The following SAXO1 variants were observed in gnomAD, a reference collection of about 807,000 sequenced individuals.
The protein encoded by SAXO1 is stabilizer of axonemal microtubules 1.
A neutral mutation model predicts 17.5 loss-of-function variants in SAXO1; 21 were observed. That is an observed-to-expected ratio of 1.20 (90% CI 0.85 to 1.72). SAXO1 has a LOEUF of 1.72. Ranked by LOEUF, SAXO1 falls within the 40% of genes most tolerant of loss-of-function variation. The pLI is 0.00. For missense variants in SAXO1, 843 were observed against 596.0 expected, an observed-to-expected ratio of 1.41 and a Z score of -4.32; for synonymous variants, 274 against 216.5, an observed-to-expected ratio of 1.27 and a Z score of -2.33.
Position 18,928,682 on chromosome 9 carries a change from G to T in SAXO1, c.795C>A (p.Asp265Glu). 1 of 1,614,174 alleles carries T rather than the reference G, an allele frequency of 6.2e-7. No individual in the cohort carries two copies. The highest frequency in any genetic ancestry group is 8.5e-7 in the Non-Finnish European group (1 of 1,180,042). ...LKPLARPPGL[D>E]MPFCNTTEFR... ...ACTCAGTGGTGTTACAGAAAGGCATGTCTAGCCCAGGAGGCCTGGCTAGAG... is the reference window on the plus strand; with the variant it reads ...ACTCAGTGGTGTTACAGAAAGGCATTTCTAGCCCAGGAGGCCTGGCTAGAG... Residue 265 changes from aspartate (D) to glutamate (E), a missense_variant, in exon 4 of 4, where the codon GAC becomes GAA. Physicochemically the swap from Asp to Glu is conservative, Grantham distance 45 (BLOSUM62 2). Coordinates refer to ENST00000380534, the MANE Select transcript of SAXO1 (RefSeq NM_153707.4).
At chr9:18,950,126 G>C (rs1253884650) in intron 2 of SAXO1, among the ~76,000 whole-genome samples, 1 of 152,154 alleles carries the variant, frequency 6.6e-6, no homozygotes, top group Non-Finnish European at 1.5e-5. Flanking sequence ...CCCCTCAGTA[G>C]AAACACCTCT....
chr9:18,956,324 T>A (rs1002124368), intron 1 of SAXO1, among the ~76,000 whole-genome samples: 1 of 152,128 alleles, frequency 6.6e-6, no homozygotes, highest in African/African-American at 2.4e-5. Flanking sequence ...CCATTTCCCC[T>A]GCAATCAACT....
intron 1 of SAXO1, among the ~76,000 whole-genome samples, chr9:18,953,301 C>A (rs544316492): frequency 1.9e-4 from 29 of 152,212 alleles, no homozygotes; most frequent in Non-Finnish European, 3.8e-4. Context: ...AAACTACTTT[C>A]ATATAACCCC....
In SAXO1 at chr9:19,027,345, C is replaced by T. The variant is rs543443334; in HGVS notation, c.38+5526G>A. The T allele has an allele frequency of 9.9e-5, 78 of 785,932 alleles. 1 individual carries two copies. The highest frequency in any genetic ancestry group is 1.5e-4 in the Non-Finnish European group (63 of 427,578). The allele number at this position is 785,932 out of a possible 1,614,324, so 48.7% of individuals were successfully genotyped here. On this transcript the variant is annotated intron_variant, in intron 1 of 3. Transcript: ENST00000380534. ...AATCCTGGAGACACTGCCCAGAGTA[C>T]GACTCGCGGGTGAAGGCCACAGAGG...
chr9:18,995,988 A>T (rs1833985138), intron 1 of SAXO1, among the ~76,000 whole-genome samples: 1 of 151,850 alleles, frequency 6.6e-6, no homozygotes, highest in Non-Finnish European at 1.5e-5. Flanking sequence ...CTGGGGCAGG[A>T]GAATCGCTTG....
intron 1 of SAXO1, among the ~76,000 whole-genome samples, chr9:18,958,916 A>G (rs1212565227): frequency 6.6e-6 from 1 of 152,240 alleles, no homozygotes; most frequent in Non-Finnish European, 1.5e-5. Flanking sequence ...ATTTGCGAAG[A>G]AGGAAAATAA....
At chr9:19,009,695 G>A (rs1241503961) in intron 1 of SAXO1, among the ~76,000 whole-genome samples, 1 of 152,022 alleles carries the variant, frequency 6.6e-6, no homozygotes, top group Non-Finnish European at 1.5e-5. Context: ...TAAAACAGCT[G>A]TGAGAAATCC....
chr9:18,992,725 G>A (rs564800187), intron 1 of SAXO1, among the ~76,000 whole-genome samples: 1 of 152,222 alleles, frequency 6.6e-6, no homozygotes, highest in Non-Finnish European at 1.5e-5. Context: ...AAGAATGAGG[G>A]AGATGACTAC....
upstream of SAXO1, among the ~76,000 whole-genome samples, chr9:19,037,222 C>A (rs1194695553): frequency 1.3e-5 from 2 of 152,140 alleles, no homozygotes; most frequent in Admixed American, 1.3e-4. Context: ...AGGGACTTGC[C>A]TTGTCTCAGA....
At chr9:19,005,957 C>A (rs1024178748) in intron 1 of SAXO1, among the ~76,000 whole-genome samples, 1 of 152,066 alleles carries the variant, frequency 6.6e-6, no homozygotes, top group African/African-American at 2.4e-5. Context: ...AACAAACAAA[C>A]AACCCACCTT....
At chr9:19,013,592 G>A (rs1295911738) in intron 1 of SAXO1, among the ~76,000 whole-genome samples, 1 of 140,252 alleles carries the variant, frequency 7.1e-6, no homozygotes, top group Non-Finnish European at 1.5e-5. Flanking sequence ...TGTCACCCAG[G>A]CTGGAATGCA....
chr9:18,956,963 CGCCCAGGTCTGCCTGATTTCAAA>C (rs1343615454), intron 1 of SAXO1, among the ~76,000 whole-genome samples: 1 of 152,222 alleles, frequency 6.6e-6, no homozygotes, highest in African/African-American at 2.4e-5. Flanking sequence ...CACAACTGGA[CGCCCAGGTCTGCCTGATTTCAAA>C]GCCTATGCTT....
In SAXO1 at chr9:18,990,014, G is replaced by T. The variant is rs186754353; in HGVS notation, c.39-39077C>A. On this transcript the variant is annotated intron_variant, in intron 1 of 3. Transcript: ENST00000380534. ...GAACCATAAAACTGCCTCTTGGCAG[G>T]TATTGCCACCTTTATTTTGCAAAGG... 1.1e-3 allele frequency among the ~76,000 whole-genome samples: 175 copies of T among 152,244 alleles called. 3 individuals carry two copies. Among genetic ancestry groups the T allele is most frequent in the Admixed American group, 9.0e-3 (138 of 15,292 alleles).
chr9:18,927,996 CT>C lies in SAXO1; in HGVS notation c.*55del. ...ATTCTTTTTTGTCCAACAAATAATT[CT>C]CAGTTGTCTGCTTTTAAAAGTACTG... is the stretch of plus-strand genomic sequence containing the variant. On this transcript the variant is annotated 3_prime_UTR_variant, in exon 4 of 4. Transcript: ENST00000380534. 6.9e-7 allele frequency: 1 copy of C among 1,440,020 alleles called. No individual in the cohort carries two copies. Among genetic ancestry groups the C allele is most frequent in the Non-Finnish European group, 9.2e-7 (1 of 1,087,202 alleles). The allele number at this position is 1,440,020 out of a possible 1,614,324, so 89.2% of individuals were successfully genotyped here. A position where few individuals can be genotyped will look rare whatever the true frequency, so the allele number is the denominator to read the frequency against.
At position 18,982,314 on chromosome 9, in the gene SAXO1, A is replaced by G. The variant is rs574294283; in HGVS notation, c.39-31377T>C. Among the ~76,000 whole-genome samples, 460 of 152,316 alleles carry G rather than the reference A, an allele frequency of 3.0e-3. 8 individuals carry two copies. In the South Asian group the frequency reaches 0.045, roughly 15 times the overall value. ...ACAGCCTGATGAATTTCAATGTCAC[A>G]TTTCTTGGAATTCCGAGGCAATTTT... On this transcript the variant is annotated intron_variant, in intron 1 of 3. Coordinates refer to ENST00000380534, the MANE Select transcript of SAXO1 (RefSeq NM_153707.4).
chr9:18,993,518 C>T (rs1401659553), intron 1 of SAXO1, among the ~76,000 whole-genome samples: 1 of 152,106 alleles, frequency 6.6e-6, no homozygotes, highest in Non-Finnish European at 1.5e-5. Context: ...GCAGACATGT[C>T]CCATGTAATC....
chr9:19,020,315 G>T (rs1835167620), intron 1 of SAXO1, among the ~76,000 whole-genome samples: 1 of 151,786 alleles, frequency 6.6e-6, no homozygotes, highest in Non-Finnish European at 1.5e-5. Context: ...CAGTTTGTTT[G>T]GGGCCCAGCA....
chr9:18,941,581 C>T (rs1831560220), intron 3 of SAXO1, 56 bp downstream of exon 3: 7 of 1,601,176 alleles, frequency 4.4e-6, no homozygotes, highest in Admixed American at 1.7e-5. Context: ...CATTTCCTGG[C>T]CCGCACACAG....
chr9:19,047,324 A>T (rs1836242569), intron 1 of SAXO1, among the ~76,000 whole-genome samples: 1 of 152,208 alleles, frequency 6.6e-6, no homozygotes, highest in African/African-American at 2.4e-5. Context: ...AGATCGTGCA[A>T]CTACACTCTA....
Sources: allele counts gnomAD v4.1 joint callset (sites outside exome capture counted in the v4.1 genomes callset), GRCh38; gene constraint gnomAD v4.1.1; transcripts MANE v1.5; gene names NCBI Gene and HGNC (gene_info 2026-07-23, HGNC 2026-07-21).